KIF26B: variants seen among roughly 807,000 people sequenced by gnomAD.
The protein encoded by KIF26B is kinesin family member 26B.
KIF26B carries 63 observed loss-of-function variants against 151.2 expected under a neutral mutation model. That is an observed-to-expected ratio of 0.42 (90% CI 0.34 to 0.51). The LOEUF (loss-of-function observed/expected upper bound fraction) is 0.51. Among genes scored for constraint, KIF26B ranks in the 20% least tolerant of loss-of-function variants. KIF26B has a pLI of 0.07. For synonymous variants in KIF26B, 1,357 were observed against 1,262.1 expected (o/e 1.08, Z -1.59); for missense variants, 2,813 against 2,913.6 (o/e 0.97, Z 0.79).
At chr1:245,368,751 T>G (rs12091805) in intron 3 of KIF26B, among the ~76,000 whole-genome samples, 36,733 of 151,982 alleles carry the variant, frequency 0.24, 11,266 homozygotes, top group African/African-American at 0.72. Context: ...TGAGGGAAGA[T>G]AGAGTGTGTG....
chr1:245,243,413 A>G (rs1558358939), intron 2 of KIF26B, among the ~76,000 whole-genome samples: 1 of 148,800 alleles, frequency 6.7e-6, no homozygotes, highest in South Asian at 2.1e-4. Context: ...GATGTAGGGT[A>G]TGGATTCTAT....
chr1:245,604,679 G>T (rs761639271), intron 6 of KIF26B, among the ~76,000 whole-genome samples: 2 of 152,170 alleles, frequency 1.3e-5, no homozygotes, highest in Non-Finnish European at 2.9e-5. Context: ...CCAGAAAAAG[G>T]GTCCATTTTA....
intron 3 of KIF26B, among the ~76,000 whole-genome samples, chr1:245,403,117 C>T (rs1290391122): frequency 3.3e-5 from 5 of 152,074 alleles, no homozygotes; most frequent in Admixed American, 2.6e-4. Context: ...TACAGGTGTG[C>T]ACCACCATGT....
intron 14 of KIF26B, among the ~76,000 whole-genome samples, chr1:245,699,558 A>C (rs1412805141): frequency 1.3e-5 from 2 of 151,900 alleles, no homozygotes; most frequent in Non-Finnish European, 2.9e-5. Context: ...GGATGACCAT[A>C]ACCATCTAAT....
intron 10 of KIF26B, among the ~76,000 whole-genome samples, chr1:245,648,998 C>T (rs1360378266): frequency 1.3e-5 from 2 of 152,322 alleles, no homozygotes; most frequent in East Asian, 1.9e-4. Context: ...CGAGACCTTG[C>T]TGGGTTGCCT....
chr1:245,375,929 C>T lies in KIF26B; in HGVS notation c.999+8562C>T, dbSNP rs551049532. Among the ~76,000 whole-genome samples the T allele has an allele frequency of 6.6e-6, 1 of 152,326 alleles. No individual in the cohort carries two copies. The highest frequency in any genetic ancestry group is 2.4e-5 in the African/African-American group (1 of 41,584). ...ACCACAGAATGAGAGGTTACTCATACTGCACCGCTGGTTTGCGATTGTCTC... is the reference window on the plus strand; with the variant it reads ...ACCACAGAATGAGAGGTTACTCATATTGCACCGCTGGTTTGCGATTGTCTC... On this transcript the variant is annotated intron_variant, in intron 3 of 14. Coordinates refer to ENST00000407071, the MANE Select transcript of KIF26B (RefSeq NM_018012.4). The surrounding 1 kb of genome is among the most constrained non-coding windows in gnomAD (Gnocchi z 4.2).
chr1:245,479,478 T>A (rs10802212), intron 4 of KIF26B, among the ~76,000 whole-genome samples: 1 of 151,666 alleles, frequency 6.6e-6, no homozygotes, highest in Non-Finnish European at 1.5e-5. Context: ...TCAGAGTTTT[T>A]TTGTTGTTGT....
At chr1:245,412,864 T>C (rs544821361) in intron 3 of KIF26B, among the ~76,000 whole-genome samples, 1 of 152,306 alleles carries the variant, frequency 6.6e-6, no homozygotes, top group Non-Finnish European at 1.5e-5. Flanking sequence ...CTCATGGACG[T>C]TGAGAATGTC....
chr1:245,176,912 T>A (rs966826311), intron 2 of KIF26B, among the ~76,000 whole-genome samples: 1 of 152,234 alleles, frequency 6.6e-6, no homozygotes, highest in African/African-American at 2.4e-5. Flanking sequence ...ATAAAATCTT[T>A]AAGCATAGAC....
chr1:245,611,796 C>T lies in KIF26B; in HGVS notation c.1918C>T (p.Gln640Ter). The T allele has an allele frequency of 6.2e-7, 1 of 1,613,388 alleles. No individual in the cohort carries two copies. Among genetic ancestry groups the T allele is most frequent in the Non-Finnish European group, 8.5e-7 (1 of 1,179,784 alleles). The change falls in exon 9 of 15, where the codon CAG becomes TAG. Residue 640 changes from glutamine (Q) to a stop codon, truncating the protein, a stop_gained. Transcript: ENST00000407071. LOFTEE classifies it high-confidence loss of function. Reference protein sequence around the residue: ...CEDPICGTQLQNQSELRAPTA... With the variant: ...CEDPICGTQL ...TCTCTTGGCTTCTGTCTTCCAGCTGCAGAACCAGAGCGAGCTGCGGGCCCC... is the reference window on the plus strand; with the variant it reads ...TCTCTTGGCTTCTGTCTTCCAGCTGTAGAACCAGAGCGAGCTGCGGGCCCC...
In KIF26B at chr1:245,702,758, T is replaced by TTTTC; in HGVS notation, c.*156_*159dup. 1.3e-6 allele frequency: 1 copy of TTTTC among 782,668 alleles called. No homozygotes were observed. 48.5% of individuals were successfully genotyped at this position (782,668 alleles called of 1,614,324 possible). On this transcript the variant is annotated 3_prime_UTR_variant, in exon 15 of 15. Coordinates refer to ENST00000407071, the MANE Select transcript of KIF26B (RefSeq NM_018012.4). This position sits in a 1 kb window ranked among gnomAD's most constrained non-coding sequence, Gnocchi z 4.1. ...GAGCGGGCGTTGAGCGGAAGGCGAG[T>TTTTC]TTTCTTTTGTTTTCTGTAGGAAAGG...
At chr1:245,197,880 T>A (rs960516032) in intron 2 of KIF26B, among the ~76,000 whole-genome samples, 1 of 152,178 alleles carries the variant, frequency 6.6e-6, no homozygotes, top group Non-Finnish European at 1.5e-5. Flanking sequence ...TCCTCAAAAT[T>A]ATTAGCACTC....
chr1:245,195,417 C>T (rs1558341015), intron 2 of KIF26B, among the ~76,000 whole-genome samples: 1 of 152,284 alleles, frequency 6.6e-6, no homozygotes, highest in East Asian at 1.9e-4. Flanking sequence ...AACCTTGTTC[C>T]CACCTGACCT....
intron 2 of KIF26B, among the ~76,000 whole-genome samples, chr1:245,270,160 C>T (rs1558369305): frequency 1.3e-5 from 2 of 150,018 alleles, no homozygotes; most frequent in African/African-American, 2.5e-5. Flanking sequence ...TTCTTCCTTT[C>T]TCTTCCCTCC....
chr1:245,180,321 G>A (rs1668884757), intron 2 of KIF26B, among the ~76,000 whole-genome samples: 2 of 150,260 alleles, frequency 1.3e-5, no homozygotes, highest in Admixed American at 1.3e-4. Flanking sequence ...AGAGAGGAGT[G>A]GTTAAGAGTG....
Position 245,450,361 on chromosome 1 carries a change from CT to C in KIF26B, c.1166+30617del, listed in dbSNP as rs372710166. On this transcript the variant is annotated intron_variant, in intron 4 of 14. Transcript: ENST00000407071. ...GGATTAGAATTTGAAAAGATTTTCG[CT>C]GTTGCCTCAGGTGTTCTGAAAGGTG... 2.3e-3 allele frequency among the ~76,000 whole-genome samples: 357 copies of C among 152,296 alleles called. 4 individuals carry two copies. The highest frequency in any genetic ancestry group is 0.01 in the Middle Eastern group (3 of 294).
At chr1:245,651,296 C>G (rs1263479515) in intron 10 of KIF26B, among the ~76,000 whole-genome samples, 1 of 152,190 alleles carries the variant, frequency 6.6e-6, no homozygotes, top group Non-Finnish European at 1.5e-5. Flanking sequence ...AATGACACTT[C>G]ATAAGTAGAG....
At chr1:245,191,504 A>G (rs1374040159) in intron 2 of KIF26B, among the ~76,000 whole-genome samples, 1 of 152,158 alleles carries the variant, frequency 6.6e-6, no homozygotes, top group African/African-American at 2.4e-5. Flanking sequence ...AGGATTAAAT[A>G]TATATAAAAA....
At position 245,466,787 on chromosome 1, in the gene KIF26B, G is replaced by A. The variant is rs547319789; in HGVS notation, c.1166+47042G>A. 8.5e-4 allele frequency among the ~76,000 whole-genome samples: 129 copies of A among 152,274 alleles called. 1 individual carries two copies. The highest frequency in any genetic ancestry group is 3.0e-3 in the African/African-American group (125 of 41,562). Reference sequence around the variant, plus strand: ...CTAAAAATACAAAAATTAGCAGGGCGTGGTGGTGAGTGCCTGTAATCCCAG... The same window carrying A: ...CTAAAAATACAAAAATTAGCAGGGCATGGTGGTGAGTGCCTGTAATCCCAG... On this transcript the variant is annotated intron_variant, in intron 4 of 14. Transcript: ENST00000407071.
Sources: gnomAD v4.1 joint callset for allele counts (sites outside exome capture counted in the v4.1 genomes callset) on GRCh38, gnomAD v4.1.1 for gene constraint, Gnocchi (gnomAD v3.1) non-coding constraint, MANE v1.5 for transcripts, NCBI Gene and HGNC (gene_info 2026-07-23, HGNC 2026-07-21) for gene names.